Variants in SHANK2 observed in about 807,000 individuals in gnomAD.
SHANK2 encodes the protein SH3 and multiple ankyrin repeat domains 2, also known as SH3 and multiple ankyrin repeat domains protein 2.
SHANK2 carries 43 observed loss-of-function variants against 133.7 expected under a neutral mutation model. The ratio of observed to expected loss-of-function variants is 0.32; its 90% CI spans 0.25 to 0.41. The LOEUF (loss-of-function observed/expected upper bound fraction) is 0.41. Ranked by LOEUF, SHANK2 falls within the 10% of genes least tolerant of loss-of-function variation. The pLI, the probability that SHANK2 is intolerant of heterozygous loss-of-function variation, is 1.00. For missense variants in SHANK2, 1,994 were observed against 2,235.8 expected, an observed-to-expected ratio of 0.89 and a Z score of 2.18; for synonymous variants, 1,017 against 952.8, an observed-to-expected ratio of 1.07 and a Z score of -1.24.
rs1164384228 is a variant in SHANK2, at chr11:70,804,090, G to A, written c.1663+2912C>T. On this transcript the variant is annotated intron_variant, in intron 13 of 25. Transcript: ENST00000601538. The surrounding 1 kb of genome is among the most constrained non-coding windows in gnomAD (Gnocchi z 4.1). ...CCCTGCCTGCCTGCTGCCCAGACCCGACTTCCACTGCAAAAAATGAGTTTG... is the reference window on the plus strand; with the variant it reads ...CCCTGCCTGCCTGCTGCCCAGACCCAACTTCCACTGCAAAAAATGAGTTTG... 3.3e-5 allele frequency among the ~76,000 whole-genome samples: 5 copies of A among 152,068 alleles called. No individual in the cohort carries two copies. The highest frequency in any genetic ancestry group is 2.9e-5 in the Non-Finnish European group (2 of 67,998).
In SHANK2 at chr11:70,487,160, C is replaced by G; in HGVS notation, c.3133G>C (p.Gly1045Arg). ...IVKEPSTSSS[G>R]KSSQGSSMEI... ...ATGCTGCTGCCCTGGCTGCTCTTGCCGCTGCTGCTGGTGGACGGCTCCTTC... is the reference window on the plus strand; with the variant it reads ...ATGCTGCTGCCCTGGCTGCTCTTGCGGCTGCTGCTGGTGGACGGCTCCTTC... Residue 1045 changes from glycine (G) to arginine (R), a missense_variant, in exon 25 of 26, where the codon GGC (glycine) becomes CGC (arginine). This residue lies in a region of SHANK2 where 488 missense variants were observed against 642.6 expected (regional missense o/e 0.76). Coordinates refer to ENST00000601538, the MANE Select transcript of SHANK2 (RefSeq NM_012309.5). The surrounding 1 kb of genome is among the most constrained non-coding windows in gnomAD (Gnocchi z 5.8). 6.2e-7 allele frequency: 1 copy of G among 1,613,168 alleles called. No individual in the cohort carries two copies.
At chr11:70,840,496 G>C (rs1393502066) in intron 11 of SHANK2, among the ~76,000 whole-genome samples, 1 of 152,240 alleles carries the variant, frequency 6.6e-6, no homozygotes, top group Non-Finnish European at 1.5e-5. Flanking sequence ...TCTGGGAGGA[G>C]CCCTCAGAGG....
At chr11:70,744,095 G>A (rs1430541865) in intron 14 of SHANK2, among the ~76,000 whole-genome samples, 2 of 152,226 alleles carry the variant, frequency 1.3e-5, no homozygotes, top group Non-Finnish European at 2.9e-5. Flanking sequence ...CCACCAATGT[G>A]TGGCTGCAGG....
intron 2 of SHANK2, among the ~76,000 whole-genome samples, chr11:71,167,244 C>G (rs1339439932): frequency 2.6e-5 from 4 of 152,334 alleles, no homozygotes; most frequent in South Asian, 2.1e-4. Flanking sequence ...ACCTTTCCCC[C>G]CTTTCTATTC....
chr11:70,914,195 G>A (rs1485307403), intron 10 of SHANK2, among the ~76,000 whole-genome samples: 6 of 152,112 alleles, frequency 3.9e-5, no homozygotes, highest in African/African-American at 9.7e-5. Context: ...TGGACAGCCT[G>A]TTTCCGGAAA....
intron 2 of SHANK2, among the ~76,000 whole-genome samples, chr11:71,157,115 T>C (rs1327704050): frequency 1.3e-5 from 2 of 152,014 alleles, no homozygotes. Context: ...TAAAGTATAA[T>C]AAATATATAT....
chr11:71,121,258 CAG>C (rs1241708726), intron 3 of SHANK2, among the ~76,000 whole-genome samples: 1 of 152,214 alleles, frequency 6.6e-6, no homozygotes, highest in Non-Finnish European at 1.5e-5. Flanking sequence ...CAGGATCAAA[CAG>C]AATATAAATA....
intron 13 of SHANK2, among the ~76,000 whole-genome samples, chr11:70,800,273 C>T (rs1176630194): frequency 2.6e-5 from 4 of 152,204 alleles, no homozygotes; most frequent in African/African-American, 7.2e-5. Flanking sequence ...CAATCACCTG[C>T]CTCCACCTCC....
chr11:70,476,819 A>C (rs555147487), intron 25 of SHANK2, among the ~76,000 whole-genome samples: 11 of 152,372 alleles, frequency 7.2e-5, no homozygotes, highest in Admixed American at 2.0e-4. Flanking sequence ...CCACCGTGGC[A>C]GCATGACTGG....
At chr11:70,710,423 G>T (rs1945758459) in intron 14 of SHANK2, among the ~76,000 whole-genome samples, 2 of 152,216 alleles carry the variant, frequency 1.3e-5, no homozygotes. Context: ...AAGGAGGGCT[G>T]CAGACACCCT....
intron 14 of SHANK2, among the ~76,000 whole-genome samples, chr11:70,713,899 C>A (rs1163039356): frequency 6.6e-6 from 1 of 152,254 alleles, no homozygotes; most frequent in Non-Finnish European, 1.5e-5. Context: ...CAGGTGCACA[C>A]CAGCGATCTG....
chr11:70,630,112 A>T (rs372701552), intron 17 of SHANK2, among the ~76,000 whole-genome samples: 69 of 152,332 alleles, frequency 4.5e-4, no homozygotes, highest in African/African-American at 1.6e-3. Flanking sequence ...GCCCCCACTC[A>T]GCTTGCCCTA....
At chr11:70,578,364 G>A (rs2060142696) in intron 17 of SHANK2, among the ~76,000 whole-genome samples, 1 of 152,194 alleles carries the variant, frequency 6.6e-6, no homozygotes, top group South Asian at 2.1e-4. Flanking sequence ...GCAAGAGTGG[G>A]TTTCAGGAAT....
chr11:70,708,887 C>G (rs911879944), intron 14 of SHANK2, among the ~76,000 whole-genome samples: 12 of 152,270 alleles, frequency 7.9e-5, no homozygotes, highest in African/African-American at 2.6e-4. Context: ...GTGTGGACCC[C>G]CCCTGCTGAC....
chr11:70,872,794 AG>A (rs1949491300), intron 11 of SHANK2, among the ~76,000 whole-genome samples: 2 of 152,188 alleles, frequency 1.3e-5, no homozygotes, highest in African/African-American at 4.8e-5. Flanking sequence ...CATTGTCCTA[AG>A]GGTCGTGGGG....
rs972586306 is a variant in SHANK2, at chr11:70,797,088, C to T, written c.1777+1355G>A. On this transcript the variant is annotated intron_variant, in intron 14 of 25. Coordinates refer to ENST00000601538, the MANE Select transcript of SHANK2 (RefSeq NM_012309.5). ...CCCAGCTCTGTGACTTCCCAGCCCT[C>T]GGGAGCTGATAAATGGATCTGTGAG... Among the ~76,000 whole-genome samples, 56 of 152,204 alleles carry T rather than the reference C, an allele frequency of 3.7e-4. 2 individuals are homozygous for T. The highest frequency in any genetic ancestry group is 2.6e-3 in the Admixed American group (39 of 15,286).
At chr11:70,761,946 G>C (rs1565299417) in intron 14 of SHANK2, among the ~76,000 whole-genome samples, 1 of 151,846 alleles carries the variant, frequency 6.6e-6, no homozygotes, top group Non-Finnish European at 1.5e-5. Flanking sequence ...TGCTGGTCTG[G>C]GGCATCCAGC....
intron 17 of SHANK2, among the ~76,000 whole-genome samples, chr11:70,511,961 A>AC (rs1276647144): frequency 1.3e-5 from 2 of 152,184 alleles, no homozygotes; most frequent in Non-Finnish European, 2.9e-5. Flanking sequence ...AACCCCACCA[A>AC]CCCAGCCTTA....
chr11:70,755,643 G>C (rs552197213), intron 14 of SHANK2, among the ~76,000 whole-genome samples: 3 of 152,166 alleles, frequency 2.0e-5, no homozygotes, highest in East Asian at 1.9e-4. Flanking sequence ...GGCCTTTCTC[G>C]TGCGGAAGGG....
Sources: allele counts gnomAD v4.1 joint callset (sites outside exome capture counted in the v4.1 genomes callset), GRCh38; gene constraint gnomAD v4.1.1; regional missense constraint gnomAD v4.1.1; non-coding constraint Gnocchi (gnomAD v3.1); transcripts MANE v1.5; gene names NCBI Gene and HGNC (gene_info 2026-07-23, HGNC 2026-07-21).